Variants in SHF observed in about 807,000 individuals in gnomAD.
SHF encodes SH2 domain-containing adapter protein F.
SHF carries 30 observed loss-of-function variants against 42.4 expected under a neutral mutation model. The observed-to-expected ratio is 0.71, with a 90% confidence interval of 0.53 to 0.96. SHF has a LOEUF of 0.96. SHF is among the 40% of genes least tolerant of loss of function. The pLI is 0.00. For missense variants in SHF, 598 were observed against 634.0 expected (o/e 0.94, Z 0.61); for synonymous variants, 264 against 269.9 (o/e 0.98, Z 0.21).
Position 45,187,913 on chromosome 15 carries a change from C to T in SHF, c.39G>A (p.Pro13=), listed in dbSNP as rs1467384814. 21 of 1,155,022 alleles carry T rather than the reference C, an allele frequency of 1.8e-5. No individual in the cohort carries two copies. Among genetic ancestry groups the T allele is most frequent in the Admixed American group, 9.5e-5 (2 of 21,014 alleles). The allele number at this position is 1,155,022 out of a possible 1,614,324, so 71.5% of individuals were successfully genotyped here. A position where few individuals can be genotyped will look rare whatever the true frequency, so the allele number is the denominator to read the frequency against. Residue 13 remains proline, a synonymous_variant, in exon 1 of 7, where the codon CCG becomes CCA. Transcript: ENST00000690270. ...LSGAPPAGSR[P]GPRTQGSAGG... ...CAGCGCTCCCCTGCGTTCGCGGCCC[C>T]GGGCGGGAGCCAGCCGGAGGAGCTC...
chr15:45,172,022 AG>A lies in SHF; in HGVS notation c.1161-21del. ...TACCAGCTAAGGATGAGAGAGAGGA[AG>A]GGGGGCATCTCTGCTGGGTCCCTCG... On this transcript the variant is annotated intron_variant, in intron 5 of 6. Coordinates refer to ENST00000690270, the MANE Select transcript of SHF (RefSeq NM_001394037.1). 1 of 1,613,862 alleles carries A rather than the reference AG, an allele frequency of 6.2e-7. No individual in the cohort carries two copies. Among genetic ancestry groups the A allele is most frequent in the Non-Finnish European group, 8.5e-7 (1 of 1,179,816 alleles).
At chr15:45,198,866 A>G in exon 2 of SHF, 1 of 1,613,940 alleles carries the variant, frequency 6.2e-7, no homozygotes, top group South Asian at 1.1e-5. Flanking sequence ...CCCATTAGCC[A>G]CGGGCTGTGG....
intron 6 of SHF, among the ~76,000 whole-genome samples, chr15:45,169,663 C>T (rs938259265): frequency 5.9e-5 from 9 of 152,238 alleles, no homozygotes; most frequent in African/African-American, 2.2e-4. Flanking sequence ...ATTGTCTCTC[C>T]TAAAAGCTGC....
upstream of SHF, among the ~76,000 whole-genome samples, chr15:45,189,014 A>G (rs1019705311): frequency 7.9e-5 from 12 of 152,034 alleles, no homozygotes; most frequent in Non-Finnish European, 1.8e-4. Flanking sequence ...AACACGGTGA[A>G]ACCCCGTCTC....
upstream of SHF, among the ~76,000 whole-genome samples, chr15:45,188,851 C>G (rs1898610226): frequency 1.3e-5 from 2 of 152,236 alleles, no homozygotes; most frequent in Non-Finnish European, 2.9e-5. Flanking sequence ...ACTCCTTATC[C>G]TCTTGAGGCT....
intron 2 of SHF, among the ~76,000 whole-genome samples, chr15:45,177,878 T>C (rs1281053820): frequency 1.3e-5 from 2 of 152,358 alleles, no homozygotes; most frequent in South Asian, 2.1e-4. Flanking sequence ...GTTCTCTTTT[T>C]GGGATCACTG....
At chr15:45,189,209 G>A (rs111610341), upstream of SHF, among the ~76,000 whole-genome samples, 288 of 145,344 alleles carry the variant, frequency 2.0e-3, 2 homozygotes, top group African/African-American at 6.2e-3. Context: ...AAAAAAAAAA[G>A]AAAAAGAAAA....
intron 1 of SHF, among the ~76,000 whole-genome samples, chr15:45,178,951 T>C (rs1212099934): frequency 2.0e-5 from 3 of 152,238 alleles, no homozygotes; most frequent in South Asian, 2.1e-4. Context: ...AGCAGGACCA[T>C]AGCTTACACC....
Position 45,187,898 on chromosome 15 carries a change from C to A in SHF, c.54G>T (p.Gln18His). 1 of 1,185,620 alleles carries A rather than the reference C, an allele frequency of 8.4e-7. No homozygotes were observed. Among genetic ancestry groups the A allele is most frequent in the South Asian group, 4.2e-5 (1 of 23,540 alleles). The allele number at this position is 1,185,620 out of a possible 1,614,324, so 73.4% of individuals were successfully genotyped here. Residue 18 changes from glutamine to histidine, a missense_variant, in exon 1 of 7, where the codon CAG becomes CAT. By Grantham distance (24) the Gln-to-His change is conservative (BLOSUM62 0). This residue lies in a region of SHF where 159 missense variants were observed against 109.3 expected (regional missense o/e 1.45). Transcript: ENST00000690270. ...PAGSRPGPRT[Q>H]GSAGGGPGGS... The stretch of plus-strand genomic sequence containing the variant: ...CCCCCGGGCCGCCCCCAGCGCTCCC[C>A]TGCGTTCGCGGCCCCGGGCGGGAGC...
chr15:45,197,065 T>G (rs1392133842), intron 2 of SHF, among the ~76,000 whole-genome samples: 3 of 151,996 alleles, frequency 2.0e-5, no homozygotes, highest in Non-Finnish European at 4.4e-5. Context: ...CTATTCCTAT[T>G]TGATATTAAA....
intron 6 of SHF, chr15:45,170,952 C>T (rs1897456268): frequency 6.4e-6 from 1 of 155,110 alleles, no homozygotes. Flanking sequence ...ACACCCACCA[C>T]TTTTTCTATT....
chr15:45,175,600 C>T (rs570262072), intron 2 of SHF, among the ~76,000 whole-genome samples, 175 bp from the exon 3 acceptor site: 87 of 152,248 alleles, frequency 5.7e-4, no homozygotes, highest in African/African-American at 2.0e-3. Flanking sequence ...ACTTCTGGGT[C>T]TCTAAAAGCA....
chr15:45,192,358 ATTTTTTTTTTT>A (rs1193075020), upstream of SHF, among the ~76,000 whole-genome samples: 11 of 75,546 alleles, frequency 1.5e-4, no homozygotes, highest in Admixed American at 1.2e-3. Context: ...CTGATTCCAG[ATTTTTTTTTTT>A]TTTTTTTTTT....
chr15:45,194,776 A>T (rs1898816290), intron 2 of SHF, among the ~76,000 whole-genome samples: 1 of 152,240 alleles, frequency 6.6e-6, no homozygotes, highest in Non-Finnish European at 1.5e-5. Context: ...TTCTTGAAAG[A>T]AACCTTACTC....
chr15:45,184,860 C>CCCA (rs1898305477), intron 1 of SHF, among the ~76,000 whole-genome samples: 1 of 152,232 alleles, frequency 6.6e-6, no homozygotes, highest in African/African-American at 2.4e-5. Flanking sequence ...TCCTGCTGCT[C>CCCA]CCACACCTGC....
intron 4 of SHF, among the ~76,000 whole-genome samples, chr15:45,173,329 T>A (rs1454631078): frequency 6.6e-6 from 1 of 151,986 alleles, no homozygotes; most frequent in Non-Finnish European, 1.5e-5. Flanking sequence ...CTCCCCAAAG[T>A]GAATTTAAAA....
intron 3 of SHF, 94 bp from the exon 4 acceptor site, chr15:45,173,810 A>T: frequency 7.3e-7 from 1 of 1,374,808 alleles, no homozygotes; most frequent in Non-Finnish European, 1.0e-6. Flanking sequence ...GCCAGGACAC[A>T]GGACAGCCTA....
At chr15:45,188,320 A>C (rs1595641145), upstream of SHF, among the ~76,000 whole-genome samples, 2 of 151,738 alleles carry the variant, frequency 1.3e-5, no homozygotes, top group Admixed American at 6.6e-5. Flanking sequence ...GAGCCCCCAG[A>C]CTCCTGACTC....
chr15:45,184,372 T>G (rs935658753), intron 1 of SHF, among the ~76,000 whole-genome samples: 2 of 152,346 alleles, frequency 1.3e-5, no homozygotes, highest in East Asian at 3.9e-4. Context: ...TTAAAGTTCT[T>G]AATATTTTGG....
Sources: gnomAD v4.1 joint callset for allele counts (sites outside exome capture counted in the v4.1 genomes callset) on GRCh38, gnomAD v4.1.1 for gene constraint, gnomAD v4.1.1 regional missense constraint, MANE v1.5 for transcripts, NCBI Gene and HGNC (gene_info 2026-07-23, HGNC 2026-07-21) for gene names.